Variants in MPDZ observed in about 807,000 individuals in gnomAD.
MPDZ encodes the protein multiple PDZ domain protein.
Under a neutral mutation model 239.1 loss-of-function variants are expected in MPDZ, and 234 were observed. That is an observed-to-expected ratio of 0.98 (90% confidence interval 0.88 to 1.09). MPDZ has a LOEUF of 1.09. Among genes scored for constraint, MPDZ ranks in the 50% least tolerant of loss-of-function variants. The pLI, the probability that MPDZ is intolerant of heterozygous loss-of-function variation, is 0.00. For synonymous variants in MPDZ, 1,048 were observed against 881.3 expected, an observed-to-expected ratio of 1.19 and a Z score of -3.35; for missense variants, 3,175 against 2,510.0, an observed-to-expected ratio of 1.26 and a Z score of -5.66.
intron 25 of MPDZ, among the ~76,000 whole-genome samples, chr9:13,148,683 G>A (rs1365394728): frequency 6.6e-6 from 1 of 151,646 alleles, no homozygotes; most frequent in African/African-American, 2.4e-5. Flanking sequence ...TTAAAAGGAT[G>A]TTAATTATCT....
chr9:13,242,004 A>G (rs977342486), intron 3 of MPDZ, among the ~76,000 whole-genome samples: 3 of 152,116 alleles, frequency 2.0e-5, no homozygotes, highest in African/African-American at 7.2e-5. Context: ...TTTGAGCATC[A>G]GAAAAAAAAA....
In MPDZ at chr9:13,162,786, A is replaced by T; in HGVS notation, c.3264T>A (p.Tyr1088Ter). 6.2e-7 allele frequency: 1 copy of T among 1,610,004 alleles called. No homozygotes were observed. Among genetic ancestry groups the T allele is most frequent in the East Asian group, 2.2e-5 (1 of 44,590 alleles). ...SLIGPDIKIT[Y>*]VPAEHLEEFK... ...ACTCTTCCAAATGTTCTGCAGGCAC[A>T]TAAGTAATTCTGGAACAAACCAGAA... The change falls in exon 23 of 47, where the codon TAT becomes TAA. Residue 1088 changes from tyrosine (Y) to a stop codon, truncating the protein, a stop_gained. Transcript: ENST00000319217. LOFTEE classifies it high-confidence loss of function.
chr9:13,143,687 A>G, intron 26 of MPDZ, 123 bp from the exon 27 acceptor site: 1 of 738,900 alleles, frequency 1.4e-6, no homozygotes, highest in Non-Finnish European at 2.4e-6. Flanking sequence ...TATCAGATCC[A>G]GTCATTAATA....
intron 32 of MPDZ, 92 bp from the exon 33 acceptor site, chr9:13,126,864 C>G: frequency 9.9e-7 from 1 of 1,007,320 alleles, no homozygotes; most frequent in South Asian, 1.4e-5. Context: ...AACTAAAACT[C>G]TTCTGAAGTC....
At chr9:13,132,295 A>G (rs1946114066) in intron 32 of MPDZ, among the ~76,000 whole-genome samples, 1 of 152,230 alleles carries the variant, frequency 6.6e-6, no homozygotes, top group Non-Finnish European at 1.5e-5. Flanking sequence ...CACCATTTAC[A>G]GAAGACGAAA....
intron 10 of MPDZ, among the ~76,000 whole-genome samples, chr9:13,206,718 A>G (rs1330766555): frequency 1.3e-5 from 2 of 151,942 alleles, no homozygotes; most frequent in East Asian, 1.9e-4. Context: ...TAATTTTTGT[A>G]TTTTTAGTAA....
rs77189127 is a variant in MPDZ at position 13,240,003 on chromosome 9, G to C, written c.183+7632C>G. Among the ~76,000 whole-genome samples the C allele has an allele frequency of 8.8e-3, 1,331 of 152,106 alleles. 60 individuals carry two copies. The East Asian group carries it at 0.11, about 12-fold the overall frequency. On this transcript the variant is annotated intron_variant, in intron 3 of 46. Coordinates refer to ENST00000319217, the MANE Select transcript of MPDZ (RefSeq NM_001378778.1). ...GAGCAAAAATTATATTCTTATCAAG[G>C]TATGCTGAAATTTTCTACATCATAG... is the stretch of plus-strand genomic sequence containing the variant.
chr9:13,123,202 C>T lies in MPDZ; in HGVS notation c.4904G>A (p.Gly1635Glu), dbSNP rs1944624212. 1 of 1,613,274 alleles carries T rather than the reference C, an allele frequency of 6.2e-7. No homozygotes were observed. Among genetic ancestry groups the T allele is most frequent in the Non-Finnish European group, 8.5e-7 (1 of 1,179,840 alleles). Reference protein sequence around the residue: ...GCETTIEISKGRTGLGLSIVG... With the variant: ...GCETTIEISKERTGLGLSIVG... ...GATGCTCAGGCCCAGCCCTGTTCGC[C>T]CTTTGGAAATCTCGATGGTTGTTTC... The change falls in exon 36 of 47, where the codon GGG (glycine) becomes GAG (glutamate). Residue 1635 changes from glycine to glutamate, a missense_variant. By Grantham distance (98) the Gly-to-Glu change is moderately conservative. Transcript: ENST00000319217.
intron 43 of MPDZ, 28 bp from the exon 44 acceptor site, chr9:13,110,768 C>T: frequency 1.3e-6 from 2 of 1,569,472 alleles, no homozygotes; most frequent in Non-Finnish European, 1.7e-6. Context: ...AAACAGCCAT[C>T]TGCTAAAGCA....
At chr9:13,183,148 TTTTC>T (rs1358336842) in intron 19 of MPDZ, among the ~76,000 whole-genome samples, 2 of 152,060 alleles carry the variant, frequency 1.3e-5, no homozygotes, top group African/African-American at 4.8e-5. Flanking sequence ...GATGCTAAAT[TTTTC>T]TTTCTGACAT....
At chr9:13,165,415 T>C (rs1029242817) in intron 22 of MPDZ, 3 of 1,548,978 alleles carry the variant, frequency 1.9e-6, no homozygotes, top group African/African-American at 1.4e-5. Flanking sequence ...AAATCTAGAA[T>C]GTGAAGCATA....
At chr9:13,154,073 A>C (rs1383494674) in intron 24 of MPDZ, among the ~76,000 whole-genome samples, 1 of 152,146 alleles carries the variant, frequency 6.6e-6, no homozygotes, top group Non-Finnish European at 1.5e-5. Flanking sequence ...AGACACAGAG[A>C]GGTTAAGTAA....
At chr9:13,173,044 T>A (rs2134062216) in intron 21 of MPDZ, among the ~76,000 whole-genome samples, 1 of 152,356 alleles carries the variant, frequency 6.6e-6, no homozygotes, top group Non-Finnish European at 1.5e-5. Flanking sequence ...CTGTATGATT[T>A]CACCTACATG....
intron 3 of MPDZ, among the ~76,000 whole-genome samples, chr9:13,241,364 C>A (rs947555297): frequency 1.3e-5 from 2 of 152,142 alleles, no homozygotes; most frequent in African/African-American, 4.8e-5. Flanking sequence ...GTAACAACAG[C>A]TGGGAAGAGT....
intron 1 of MPDZ, among the ~76,000 whole-genome samples, chr9:13,273,519 C>CA (rs1365654842): frequency 2.0e-5 from 3 of 152,048 alleles, no homozygotes; most frequent in Admixed American, 1.3e-4. Flanking sequence ...TAATTTGGTG[C>CA]TGAAATTATT....
intron 22 of MPDZ, chr9:13,165,521 GTTGT>G: frequency 7.4e-7 from 1 of 1,353,508 alleles, no homozygotes. Context: ...GGTGCTCCTG[GTTGT>G]TTTTTTTCCC....
At chr9:13,221,120 C>T (rs1040082180) in intron 7 of MPDZ, among the ~76,000 whole-genome samples, 4 of 151,982 alleles carry the variant, frequency 2.6e-5, no homozygotes, top group African/African-American at 9.7e-5. Flanking sequence ...ATAACCTTGG[C>T]TTTAGTCTGA....
At chr9:13,148,576 T>G (rs1396210979) in intron 25 of MPDZ, among the ~76,000 whole-genome samples, 1 of 152,068 alleles carries the variant, frequency 6.6e-6, no homozygotes, top group Non-Finnish European at 1.5e-5. Flanking sequence ...AATATTTTTT[T>G]CAGTGCATAT....
At chr9:13,205,150 T>C in intron 11 of MPDZ, 43 bp from the exon 12 acceptor site, 1 of 1,088,284 alleles carries the variant, frequency 9.2e-7, no homozygotes, top group Non-Finnish European at 1.3e-6. Context: ...TTTAGTATAA[T>C]CAAGTACTTG....
Sources: allele counts gnomAD v4.1 joint callset (sites outside exome capture counted in the v4.1 genomes callset), GRCh38; gene constraint gnomAD v4.1.1; transcripts MANE v1.5; gene names NCBI Gene and HGNC (gene_info 2026-07-23, HGNC 2026-07-21).